LMO3: variants seen among roughly 807,000 people sequenced by gnomAD.
LMO3 encodes LIM domain only 3, also known as LIM domain only protein 3.
LMO3 carries 2 observed loss-of-function variants against 15.8 expected under a neutral mutation model. That is an observed-to-expected ratio of 0.13 (90% CI 0.05 to 0.40). The LOEUF (loss-of-function observed/expected upper bound fraction) is 0.40, where lower values mean the gene tolerates loss of function less well. LMO3 is among the 10% of genes least tolerant of loss of function. The pLI is 0.99. For missense variants in LMO3, 86 were observed against 182.2 expected, an observed-to-expected ratio of 0.47 and a Z score of 3.04; for synonymous variants, 62 against 63.8, an observed-to-expected ratio of 0.97 and a Z score of 0.13.
At chr12:16,605,568 T>A (rs1943966127) in intron 1 of LMO3, 1 of 642,290 alleles carries the variant, frequency 1.6e-6, no homozygotes, top group Non-Finnish European at 2.6e-6. Context: ...ATCAACTCTT[T>A]AAGAAGTGGG....
At chr12:16,592,800 TA>T (rs1345618451) in intron 2 of LMO3, among the ~76,000 whole-genome samples, 1 of 151,804 alleles carries the variant, frequency 6.6e-6, no homozygotes, top group Admixed American at 6.6e-5. Flanking sequence ...GATGGAAAAT[TA>T]AAAAACATTA....
intron 2 of LMO3, among the ~76,000 whole-genome samples, chr12:16,571,522 A>T (rs1942812080): frequency 6.6e-6 from 1 of 151,976 alleles, no homozygotes; most frequent in Non-Finnish European, 1.5e-5. Flanking sequence ...ATATGTCACC[A>T]TTTTTCTAGG....
intron 2 of LMO3, among the ~76,000 whole-genome samples, chr12:16,583,221 A>G (rs1943221084): frequency 6.6e-6 from 1 of 152,176 alleles, no homozygotes; most frequent in Admixed American, 6.5e-5. Flanking sequence ...CAGTATCAGC[A>G]GAGTGGTGAG....
Position 16,600,795 on chromosome 12 carries a change from G to A in LMO3, c.66C>T (p.Asp22=). 6.2e-7 allele frequency: 1 copy of A among 1,614,132 alleles called. No individual in the cohort carries two copies. Among genetic ancestry groups the A allele is most frequent in the Non-Finnish European group, 8.5e-7 (1 of 1,180,002 alleles). ...GCAGCNRKIK[D]RYLLKALDKY... is the part of the protein sequence containing the mutation. ...TGTCCAGTGCCTTTAGAAGATACCGGTCCTTGATCTTTCGGTTGCAGCCAG... is the reference window on the plus strand; with the variant it reads ...TGTCCAGTGCCTTTAGAAGATACCGATCCTTGATCTTTCGGTTGCAGCCAG... Residue 22 remains aspartate, a synonymous_variant, in exon 2 of 4, where the codon GAC becomes GAT. Transcript: ENST00000537304.
Position 16,596,540 on chromosome 12 carries a change from C to CA in LMO3, c.206+4114dup, listed in dbSNP as rs1288622162. ...AGTTGCAGGTTCAAAGAAAGAACAA[C>CA]AAAAAAATTGCCCAGAAGTTGAGTT... On this transcript the variant is annotated intron_variant, in intron 2 of 3. Transcript: ENST00000537304. The surrounding 1 kb of genome is among the most constrained non-coding windows in gnomAD (Gnocchi z 4.3). 6.6e-6 allele frequency among the ~76,000 whole-genome samples: 1 copy of CA among 151,456 alleles called. No individual in the cohort carries two copies. The highest frequency in any genetic ancestry group is 1.5e-5 in the Non-Finnish European group (1 of 67,570).
chr12:16,606,089 G>C lies in LMO3; in HGVS notation c.-32C>G. On this transcript the variant is annotated 5_prime_UTR_variant, in exon 1 of 4. Transcript: ENST00000537304. Reference sequence around the variant, plus strand: ...ACCTTCTCAATTAAGCGATACAGGGGGAGGCCGTTCAGTAAGCACAGTGGC... The same window carrying C: ...ACCTTCTCAATTAAGCGATACAGGGCGAGGCCGTTCAGTAAGCACAGTGGC... The C allele has an allele frequency of 2.1e-6, 1 of 471,304 alleles. No individual in the cohort carries two copies. Among genetic ancestry groups the C allele is most frequent in the South Asian group, 3.2e-5 (1 of 31,252 alleles). The allele number at this position is 471,304 out of a possible 1,614,324, so 29.2% of individuals were successfully genotyped here.
chr12:16,567,913 T>C (rs1942672557), intron 2 of LMO3, among the ~76,000 whole-genome samples: 1 of 152,160 alleles, frequency 6.6e-6, no homozygotes, highest in South Asian at 2.1e-4. Flanking sequence ...CTAGTTGGAC[T>C]TACTGAGTAG....
At chr12:16,590,231 A>G (rs2058798) in intron 2 of LMO3, among the ~76,000 whole-genome samples, 132,826 of 152,104 alleles carry the variant, frequency 0.87, 60,513 homozygotes, top group East Asian at 1. Context: ...TTCTTGAAGC[A>G]AAACTAACAT....
chr12:16,605,396 G>A, intron 1 of LMO3: 4 of 1,201,954 alleles, frequency 3.3e-6, no homozygotes, highest in Non-Finnish European at 4.1e-6. Flanking sequence ...CTTGGTCCAG[G>A]GACCTTCCCT....
chr12:16,566,528 G>A (rs1316103391), intron 2 of LMO3, among the ~76,000 whole-genome samples: 1 of 151,712 alleles, frequency 6.6e-6, no homozygotes, highest in African/African-American at 2.4e-5. Context: ...CTAGAAATAT[G>A]TACCATTATA....
chr12:16,586,798 C>T lies in LMO3; in HGVS notation c.206+13857G>A, dbSNP rs574338977. Among the ~76,000 whole-genome samples, 4 of 152,288 alleles carry T rather than the reference C, an allele frequency of 2.6e-5. No homozygotes were observed. The highest frequency in any genetic ancestry group is 2.6e-4 in the Admixed American group (4 of 15,288). ...TTATTGCATTACTTTTGTAACCTTT[C>T]TCCCAAAGGAACATGTAAGCCATAC... On this transcript the variant is annotated intron_variant, in intron 2 of 3. Coordinates refer to ENST00000537304, the MANE Select transcript of LMO3 (RefSeq NM_018640.5). This position sits in a 1 kb window ranked among gnomAD's most constrained non-coding sequence, Gnocchi z 4.3.
rs996253989 is a variant in LMO3, at chr12:16,596,958, T to C, written c.206+3697A>G. Among the ~76,000 whole-genome samples, 2 of 151,794 alleles carry C rather than the reference T, an allele frequency of 1.3e-5. No individual in the cohort carries two copies. The highest frequency in any genetic ancestry group is 3.0e-5 in the Non-Finnish European group (2 of 67,726). The stretch of plus-strand genomic sequence containing the variant: ...ATTGGATAGATTTTTAACAGATACA[T>C]TTCTTGGTCTGCCTGGCATATAAAT... On this transcript the variant is annotated intron_variant, in intron 2 of 3. Transcript: ENST00000537304. The surrounding 1 kb of genome is among the most constrained non-coding windows in gnomAD (Gnocchi z 4.3).
chr12:16,564,055 C>G (rs1462866317), intron 2 of LMO3, among the ~76,000 whole-genome samples: 1 of 152,140 alleles, frequency 6.6e-6, no homozygotes, highest in East Asian at 1.9e-4. Flanking sequence ...CATACAATAT[C>G]AGTGCATATA....
At chr12:16,552,815 T>C (rs144766913) in intron 3 of LMO3, among the ~76,000 whole-genome samples, 347 of 152,220 alleles carry the variant, frequency 2.3e-3, no homozygotes, top group Middle Eastern at 0.01. Context: ...TTGTATTAGT[T>C]GTAACCTGTA....
At position 16,598,395 on chromosome 12, in the gene LMO3, G is replaced by GT; in HGVS notation, c.206+2259dup. ...TGCTGTTAACAACTTAGTTTGAAAT[G>GT]TTAACAACCGTTAGGCTGTTAACAT... is the stretch of plus-strand genomic sequence containing the variant. On this transcript the variant is annotated intron_variant, in intron 2 of 3. Coordinates refer to ENST00000537304, the MANE Select transcript of LMO3 (RefSeq NM_018640.5). The surrounding 1 kb of genome is among the most constrained non-coding windows in gnomAD (Gnocchi z 4.3). 6.6e-6 allele frequency: 1 copy of GT among 152,170 alleles called. No homozygotes were observed. Among genetic ancestry groups the GT allele is most frequent in the South Asian group, 2.1e-4 (1 of 4,828 alleles). 9.4% of individuals were successfully genotyped at this position (152,170 alleles called of 1,614,324 possible).
chr12:16,607,211 A>G (rs772731562), upstream of LMO3: 17 of 152,274 alleles, frequency 1.1e-4, no homozygotes, highest in Admixed American at 3.9e-4. Context: ...CAAACTGTGA[A>G]CTTGTTCTCC....
At chr12:16,572,848 C>T (rs1024308082) in intron 2 of LMO3, among the ~76,000 whole-genome samples, 1 of 151,636 alleles carries the variant, frequency 6.6e-6, no homozygotes, top group Non-Finnish European at 1.5e-5. Flanking sequence ...AAGGATACTA[C>T]ATTAAGGCCA....
intron 2 of LMO3, chr12:16,594,328 A>C: frequency 7.3e-7 from 1 of 1,378,128 alleles, no homozygotes; most frequent in Non-Finnish European, 9.5e-7. Context: ...TTTATAAGCC[A>C]ATTAAACTAA....
At position 16,596,594 on chromosome 12, in the gene LMO3, C is replaced by T. The variant is rs1943668186; in HGVS notation, c.206+4061G>A. On this transcript the variant is annotated intron_variant, in intron 2 of 3. Transcript: ENST00000537304. The surrounding 1 kb of genome is among the most constrained non-coding windows in gnomAD (Gnocchi z 4.3). ...GTTACATTCTGACATCCTTTATTGC[C>T]TTCAAGTTGAAAAAGAAAGTATTTT... is the stretch of plus-strand genomic sequence containing the variant. Among the ~76,000 whole-genome samples the T allele has an allele frequency of 6.6e-6, 1 of 151,616 alleles. No homozygotes were observed. The highest frequency in any genetic ancestry group is 1.5e-5 in the Non-Finnish European group (1 of 67,616).
Sources: allele counts gnomAD v4.1 joint callset (sites outside exome capture counted in the v4.1 genomes callset), GRCh38; gene constraint gnomAD v4.1.1; non-coding constraint Gnocchi (gnomAD v3.1); transcripts MANE v1.5; gene names NCBI Gene and HGNC (gene_info 2026-07-23, HGNC 2026-07-21).